Variants in ANK1 observed in about 807,000 individuals in gnomAD.
ANK1 encodes the protein ankyrin-1.
Under a neutral mutation model 210.4 loss-of-function variants are expected in ANK1, and 51 were observed. That is an observed-to-expected ratio of 0.24 (90% CI 0.19 to 0.31). The LOEUF (loss-of-function observed/expected upper bound fraction) is 0.31. Ranked by LOEUF, ANK1 falls within the 10% of genes least tolerant of loss-of-function variation. The probability of loss-of-function intolerance (pLI) is 1.00; values close to 1 mark genes in which losing one functional copy is unlikely to be tolerated. For synonymous variants in ANK1, 967 were observed against 1,025.9 expected (o/e 0.94, Z 1.10); for missense variants, 2,051 against 2,504.4 (o/e 0.82, Z 3.86).
intron 1 of ANK1, among the ~76,000 whole-genome samples, chr8:41,839,115 T>C (rs1048750245): frequency 5.9e-5 from 9 of 152,202 alleles, no homozygotes; most frequent in African/African-American, 2.2e-4. Context: ...ACAATGACTG[T>C]ACCACCTGCA....
chr8:41,697,502 C>T (rs921548282), intron 24 of ANK1, among the ~76,000 whole-genome samples: 3 of 152,138 alleles, frequency 2.0e-5, no homozygotes, highest in African/African-American at 7.2e-5. Context: ...CACCTTGGGG[C>T]TGGTTAGGGC....
At position 41,688,499 on chromosome 8, in the gene ANK1, C is replaced by T; in HGVS notation, c.4183+12G>A. The T allele has an allele frequency of 1.2e-6, 2 of 1,613,544 alleles. No homozygotes were observed. Among genetic ancestry groups the T allele is most frequent in the Non-Finnish European group, 1.7e-6 (2 of 1,179,436 alleles). On this transcript the variant is annotated intron_variant, in intron 34 of 42. Transcript: ENST00000289734. ...AAGGGAGCAAGCATGCATCATCACA[C>T]AGAGGCCGTACCTGGTGTGGACTCA...
chr8:41,725,749 C>A lies in ANK1; in HGVS notation c.612+12G>T. 6.2e-7 allele frequency: 1 copy of A among 1,607,334 alleles called. No homozygotes were observed. Among genetic ancestry groups the A allele is most frequent in the Non-Finnish European group, 8.5e-7 (1 of 1,178,720 alleles). On this transcript the variant is annotated intron_variant, in intron 6 of 42. Transcript: ENST00000289734. ...CCGCGGCCCAAGGCTCCTCCCTCCT[C>A]CTCGCCCTCACCTTGGAAAGCACGT...
intron 1 of ANK1, among the ~76,000 whole-genome samples, chr8:41,844,564 C>T (rs1453387164): frequency 3.3e-5 from 5 of 152,270 alleles, no homozygotes; most frequent in South Asian, 2.1e-4. Flanking sequence ...ACAGGAGCTG[C>T]GGTCAAAGCC....
At chr8:41,895,891 G>C (rs1263219208) in intron 1 of ANK1, among the ~76,000 whole-genome samples, 1 of 151,572 alleles carries the variant, frequency 6.6e-6, no homozygotes, top group Non-Finnish European at 1.5e-5. Flanking sequence ...GGGAGAAGCC[G>C]GGCAGAGCTG....
At chr8:41,663,094 G>C (rs200412385) in intron 40 of ANK1, among the ~76,000 whole-genome samples, 315 of 84,704 alleles carry the variant, frequency 3.7e-3, no homozygotes, top group South Asian at 7.7e-3. Flanking sequence ...TTGTGTGTGT[G>C]TGTGTCTCTC....
intron 23 of ANK1, 129 bp downstream of exon 23, chr8:41,699,323 C>G (rs1822003594): frequency 1.1e-6 from 1 of 878,726 alleles, no homozygotes; most frequent in Non-Finnish European, 1.9e-6. Context: ...AAGGTGCAAA[C>G]CGTCTCTCTC....
intron 34 of ANK1, 54 bp downstream of exon 34, chr8:41,688,457 C>T (rs749209771): frequency 1.1e-5 from 17 of 1,589,212 alleles, no homozygotes; most frequent in African/African-American, 2.7e-5. Flanking sequence ...GATGAGCTCA[C>T]GCCCACCCTT....
intron 9 of ANK1, among the ~76,000 whole-genome samples, chr8:41,722,877 C>T (rs72638997): frequency 3.9e-5 from 6 of 152,220 alleles, no homozygotes; most frequent in South Asian, 2.1e-4. Flanking sequence ...ACAGGGACCA[C>T]GGCCTGCAAA....
At chr8:41,760,308 C>T (rs1438398098) in intron 1 of ANK1, among the ~76,000 whole-genome samples, 1 of 152,072 alleles carries the variant, frequency 6.6e-6, no homozygotes, top group African/African-American at 2.4e-5. Flanking sequence ...CCATGCTGTT[C>T]CCATGAAAGT....
At chr8:41,709,107 G>T in intron 16 of ANK1, 132 bp from the exon 17 acceptor site, 1 of 935,610 alleles carries the variant, frequency 1.1e-6, no homozygotes, top group Non-Finnish European at 1.6e-6. Flanking sequence ...TCACCCAGGA[G>T]CAATTTAGGT....
intron 34 of ANK1, 86 bp from the exon 35 acceptor site, chr8:41,688,316 T>C: frequency 6.7e-7 from 1 of 1,497,146 alleles, no homozygotes; most frequent in Non-Finnish European, 9.3e-7. Flanking sequence ...TGGATGTGGC[T>C]TCCGTGTGCA....
intron 1 of ANK1, among the ~76,000 whole-genome samples, chr8:41,806,940 C>T (rs1240967934): frequency 2.6e-5 from 4 of 152,116 alleles, no homozygotes; most frequent in African/African-American, 9.7e-5. Flanking sequence ...AAAGTAAATC[C>T]ATAAAATTAT....
At chr8:41,695,028 T>A in intron 27 of ANK1, 149 bp downstream of exon 27, 1 of 1,174,814 alleles carries the variant, frequency 8.5e-7, no homozygotes, top group Non-Finnish European at 1.3e-6. Flanking sequence ...TCACACATCC[T>A]GGGGACCCAG....
chr8:41,667,632 C>T (rs984286624), intron 39 of ANK1, among the ~76,000 whole-genome samples: 9 of 151,910 alleles, frequency 5.9e-5, no homozygotes, highest in South Asian at 4.2e-4. Flanking sequence ...GAAGGGAATC[C>T]GGGGAAGTGG....
At chr8:41,755,306 CA>C (rs1241506082) in intron 2 of ANK1, among the ~76,000 whole-genome samples, 3 of 152,240 alleles carry the variant, frequency 2.0e-5, no homozygotes, top group African/African-American at 2.4e-5. Context: ...AATCAGGACA[CA>C]GCTATTCCCT....
chr8:41,681,919 G>A (rs1461604232), intron 37 of ANK1, among the ~76,000 whole-genome samples: 1 of 152,218 alleles, frequency 6.6e-6, no homozygotes, highest in Non-Finnish European at 1.5e-5. Context: ...GTCTACCGGG[G>A]ACCTGCCAGA....
chr8:41,715,513 C>T, intron 14 of ANK1, 139 bp downstream of exon 14: 1 of 1,129,676 alleles, frequency 8.9e-7, no homozygotes, highest in East Asian at 2.6e-5. Flanking sequence ...TGGTGGCCAG[C>T]CCTGAGTGTG....
At chr8:41,872,200 C>A (rs963563959) in intron 1 of ANK1, among the ~76,000 whole-genome samples, 5 of 152,194 alleles carry the variant, frequency 3.3e-5, no homozygotes, top group Admixed American at 2.6e-4. Flanking sequence ...GAGGAGCCGA[C>A]CCCCTGTAGG....
Sources: gnomAD v4.1 joint callset for allele counts (sites outside exome capture counted in the v4.1 genomes callset) on GRCh38, gnomAD v4.1.1 for gene constraint, MANE v1.5 for transcripts, NCBI Gene and HGNC (gene_info 2026-07-23, HGNC 2026-07-21) for gene names.